The following PHACTR4 variants were observed in gnomAD, a reference collection of about 807,000 sequenced individuals.
PHACTR4 encodes protein phosphatase 1, regulatory subunit 124.
Under a neutral mutation model 72.7 loss-of-function variants are expected in PHACTR4, and 51 were observed. The ratio of observed to expected loss-of-function variants is 0.70; its 90% CI spans 0.56 to 0.89. The LOEUF (loss-of-function observed/expected upper bound fraction) is 0.89. Ranked by LOEUF, PHACTR4 falls within the 40% of genes least tolerant of loss-of-function variation. The probability of loss-of-function intolerance (pLI) is 0.00; values close to 1 mark genes in which losing one functional copy is unlikely to be tolerated. For synonymous variants in PHACTR4, 255 were observed against 302.5 expected (o/e 0.84, Z 1.63); for missense variants, 731 against 861.8 (o/e 0.85, Z 1.90).
chr1:28,402,350 A>G lies in PHACTR4; in HGVS notation c.-38-5060A>G, dbSNP rs755721268. ...TGAAACTTCCTAGATTTCCAAATAG[A>G]GTATTGAGTATGCTGTAGATATATC... On this transcript the variant is annotated intron_variant, in intron 1 of 13. Transcript: ENST00000373839. Among the ~76,000 whole-genome samples the G allele has an allele frequency of 1.1e-4, 16 of 152,276 alleles. No homozygotes were observed. In the South Asian group the frequency reaches 3.3e-3, roughly 32 times the overall value.
At chr1:28,397,336 A>T (rs1653588451) in intron 1 of PHACTR4, among the ~76,000 whole-genome samples, 1 of 152,216 alleles carries the variant, frequency 6.6e-6, no homozygotes, top group African/African-American at 2.4e-5. Flanking sequence ...ATTCTGCAAT[A>T]TTATCTTTTG....
chr1:28,436,647 G>T (rs1488905190), intron 2 of PHACTR4, among the ~76,000 whole-genome samples: 12 of 152,084 alleles, frequency 7.9e-5, no homozygotes, highest in Non-Finnish European at 1.5e-5. Flanking sequence ...AATAATCCAG[G>T]TTATGTGGAG....
At chr1:28,370,354 G>A (rs1474037346) in intron 1 of PHACTR4, among the ~76,000 whole-genome samples, 1 of 152,158 alleles carries the variant, frequency 6.6e-6, no homozygotes, top group Non-Finnish European at 1.5e-5. Flanking sequence ...ACATCAGCCT[G>A]GGCGGCTTCA....
At chr1:28,486,620 A>G (rs1660660291) in intron 9 of PHACTR4, among the ~76,000 whole-genome samples, 1 of 151,450 alleles carries the variant, frequency 6.6e-6, no homozygotes, top group Non-Finnish European at 1.5e-5. Context: ...TAATCCCAAC[A>G]CTTTGGGAGG....
chr1:28,455,692 G>A (rs529793737), intron 2 of PHACTR4, among the ~76,000 whole-genome samples: 3 of 152,226 alleles, frequency 2.0e-5, no homozygotes, highest in Admixed American at 6.5e-5. Context: ...TGGAGATTCT[G>A]TATTTTGAAA....
chr1:28,458,102 G>A (rs866722906), intron 2 of PHACTR4, among the ~76,000 whole-genome samples: 1 of 108,686 alleles, frequency 9.2e-6, no homozygotes, highest in Admixed American at 8.9e-5. Flanking sequence ...ATTATGGTGT[G>A]TGTGTTTGTG....
intron 8 of PHACTR4, 23 bp from the exon 9 acceptor site, chr1:28,480,428 T>A (rs747456398): frequency 1.7e-5 from 28 of 1,612,324 alleles, no homozygotes; most frequent in Non-Finnish European, 2.1e-5. Context: ...AGTTCTACAT[T>A]TTTTTCTTCC....
At chr1:28,485,179 C>A (rs1660552337) in intron 9 of PHACTR4, among the ~76,000 whole-genome samples, 1 of 152,084 alleles carries the variant, frequency 6.6e-6, no homozygotes, top group South Asian at 2.1e-4. Flanking sequence ...AGATAGTTGT[C>A]AGGGGCTCGG....
At chr1:28,389,815 C>T (rs1569788002) in intron 1 of PHACTR4, among the ~76,000 whole-genome samples, 1 of 151,996 alleles carries the variant, frequency 6.6e-6, no homozygotes. Context: ...ATGGAGATTC[C>T]TCAAAAAATT....
At chr1:28,433,071 A>C (rs145813044) in intron 2 of PHACTR4, 1 of 985,268 alleles carries the variant, frequency 1.0e-6, no homozygotes, top group African/African-American at 1.7e-5. Context: ...CCCTAAGTAA[A>C]ATAGGAAGAG....
intron 1 of PHACTR4, among the ~76,000 whole-genome samples, chr1:28,371,386 C>G (rs1314384977): frequency 1.3e-5 from 2 of 152,144 alleles, no homozygotes; most frequent in African/African-American, 4.8e-5. Flanking sequence ...CCTCCACTTC[C>G]CAGGTTGAAG....
intron 9 of PHACTR4, among the ~76,000 whole-genome samples, chr1:28,484,867 G>C (rs1002000104): frequency 2.6e-5 from 4 of 152,076 alleles, no homozygotes; most frequent in Non-Finnish European, 4.4e-5. Flanking sequence ...TCGGGAGGCT[G>C]AGGCAGGAGA....
At chr1:28,441,793 G>A (rs1340366977) in intron 2 of PHACTR4, among the ~76,000 whole-genome samples, 1 of 151,986 alleles carries the variant, frequency 6.6e-6, no homozygotes, top group Non-Finnish European at 1.5e-5. Context: ...CCAGGAGTTT[G>A]GGATCAGCCT....
intron 1 of PHACTR4, among the ~76,000 whole-genome samples, chr1:28,370,077 C>T (rs1011378078): frequency 2.6e-5 from 4 of 151,756 alleles, no homozygotes; most frequent in Non-Finnish European, 5.9e-5. Context: ...CTCTCCGCCC[C>T]CCGAGACTTG....
intron 1 of PHACTR4, among the ~76,000 whole-genome samples, chr1:28,370,611 C>CAA (rs112345135): frequency 3.8e-5 from 5 of 130,226 alleles, no homozygotes; most frequent in South Asian, 2.4e-4. Context: ...TGATTGCTTG[C>CAA]AAAAAAAAAA....
intron 1 of PHACTR4, among the ~76,000 whole-genome samples, chr1:28,393,393 C>T (rs1430031215): frequency 6.6e-6 from 1 of 152,124 alleles, no homozygotes; most frequent in African/African-American, 2.4e-5. Context: ...GAATGCACTG[C>T]ATAATAACAC....
intron 9 of PHACTR4, among the ~76,000 whole-genome samples, chr1:28,483,277 C>T (rs1660396158): frequency 6.6e-6 from 1 of 151,980 alleles, no homozygotes; most frequent in African/African-American, 2.4e-5. Context: ...CGTTTATGGT[C>T]CCAGCTACTC....
At chr1:28,386,152 G>A (rs1652545287) in intron 1 of PHACTR4, among the ~76,000 whole-genome samples, 1 of 152,032 alleles carries the variant, frequency 6.6e-6, no homozygotes, top group Non-Finnish European at 1.5e-5. Flanking sequence ...GGAGTGCAGT[G>A]GTGCGATCTC....
At chr1:28,387,266 A>T (rs1281320683) in intron 1 of PHACTR4, among the ~76,000 whole-genome samples, 1 of 151,678 alleles carries the variant, frequency 6.6e-6, no homozygotes, top group Non-Finnish European at 1.5e-5. Flanking sequence ...TCTCAAAAAA[A>T]AAAAAAAAAA....
Sources: gnomAD v4.1 joint callset for allele counts (sites outside exome capture counted in the v4.1 genomes callset) on GRCh38, gnomAD v4.1.1 for gene constraint, MANE v1.5 for transcripts, NCBI Gene and HGNC (gene_info 2026-07-23, HGNC 2026-07-21) for gene names.